The following ATXN8OS variants were observed in gnomAD, a reference collection of about 807,000 sequenced individuals.
The protein encoded by ATXN8OS is ATXN8 opposite strand lncRNA.
chr13:70,133,204 G>A (rs112130287), intron 3 of ATXN8OS, among the ~76,000 whole-genome samples: 8 of 152,286 alleles, frequency 5.3e-5, no homozygotes, highest in Non-Finnish European at 8.8e-5. Flanking sequence ...CCAGGATTTC[G>A]AGAGCAGCCT....
At chr13:70,150,753 C>T (rs938735460) in intron 4 of ATXN8OS, among the ~76,000 whole-genome samples, 2 of 152,072 alleles carry the variant, frequency 1.3e-5, no homozygotes, top group Non-Finnish European at 2.9e-5. Context: ...GAGTATATTT[C>T]TACTACAGGA....
At position 70,140,783 on chromosome 13, in the gene ATXN8OS, T is replaced by C. The variant is rs372277401; in HGVS notation, n.500-6572T>C. ...ATGCCCCCTAACCCTGTTTTAGTAA[T>C]CTCAAATTCAAATTATTTGAAAGAA... On this transcript the variant is annotated intron_variant and non_coding_transcript_variant, in intron 3 of 4. Coordinates refer to ENST00000678624, the Ensembl canonical transcript of ATXN8OS. Among the ~76,000 whole-genome samples the C allele has an allele frequency of 1.6e-4, 25 of 152,068 alleles. No individual in the cohort carries two copies. In the East Asian group the frequency reaches 3.9e-3, roughly 24 times the overall value.
At chr13:70,131,926 T>A (rs1888540002) in intron 3 of ATXN8OS, among the ~76,000 whole-genome samples, 1 of 152,152 alleles carries the variant, frequency 6.6e-6, no homozygotes, top group African/African-American at 2.4e-5. Flanking sequence ...TATAAATGAA[T>A]AAAGATATGA....
intron 2 of ATXN8OS, among the ~76,000 whole-genome samples, chr13:70,122,947 T>C (rs1268603587): frequency 6.6e-6 from 1 of 152,024 alleles, no homozygotes; most frequent in African/African-American, 2.4e-5. Flanking sequence ...CCAAATTCTC[T>C]TAGAGACTTT....
At chr13:70,145,459 G>A (rs302008) in intron 3 of ATXN8OS, among the ~76,000 whole-genome samples, 7,707 of 151,546 alleles carry the variant, frequency 0.051, 683 homozygotes, top group African/African-American at 0.18. Context: ...CCATTTTCAC[G>A]ATATTGATTC....
intron 3 of ATXN8OS, among the ~76,000 whole-genome samples, chr13:70,137,488 G>A (rs902839387): frequency 2.0e-5 from 3 of 152,150 alleles, no homozygotes; most frequent in Non-Finnish European, 2.9e-5. Flanking sequence ...GAGCTAAATG[G>A]ACTTCGTTAT....
intron 2 of ATXN8OS, among the ~76,000 whole-genome samples, chr13:70,123,069 A>G (rs1888384261): frequency 6.6e-6 from 1 of 152,100 alleles, no homozygotes; most frequent in Non-Finnish European, 1.5e-5. Context: ...CTGAGCAAAT[A>G]TTAATCTAGG....
At chr13:70,144,505 C>A (rs1833664230) in intron 3 of ATXN8OS, among the ~76,000 whole-genome samples, 1 of 152,076 alleles carries the variant, frequency 6.6e-6, no homozygotes, top group African/African-American at 2.4e-5. Flanking sequence ...ATGTAATATT[C>A]CACTGAATTC....
chr13:70,128,752 T>C (rs1453412892), intron 2 of ATXN8OS, among the ~76,000 whole-genome samples: 2 of 152,134 alleles, frequency 1.3e-5, no homozygotes, highest in Admixed American at 1.3e-4. Context: ...CGCAGTGTCC[T>C]GAAGCCCTCA....
chr13:70,108,699 A>C lies in ATXN8OS; in HGVS notation n.240+680A>C, dbSNP rs183784415. Reference sequence around the variant, plus strand: ...ACAGGCATTATGCTTTTGCATCAGTAAACACCACACATGAATCATGGCAGT... The same window carrying C: ...ACAGGCATTATGCTTTTGCATCAGTCAACACCACACATGAATCATGGCAGT... On this transcript the variant is annotated intron_variant and non_coding_transcript_variant, in intron 1 of 4. Coordinates refer to ENST00000678624, the Ensembl canonical transcript of ATXN8OS. 1.2e-4 allele frequency among the ~76,000 whole-genome samples: 19 copies of C among 152,376 alleles called. No individual in the cohort carries two copies. The East Asian group carries it at 2.7e-3, about 22-fold the overall frequency.
chr13:70,143,720 A>G (rs1469309199), intron 3 of ATXN8OS, among the ~76,000 whole-genome samples: 1 of 152,120 alleles, frequency 6.6e-6, no homozygotes, highest in East Asian at 1.9e-4. Context: ...TAATACATAT[A>G]CTACTGGAAC....
At chr13:70,136,540 A>G (rs183206091) in intron 3 of ATXN8OS, among the ~76,000 whole-genome samples, 1 of 152,148 alleles carries the variant, frequency 6.6e-6, no homozygotes, top group Non-Finnish European at 1.5e-5. Flanking sequence ...TGCCCAAGCT[A>G]AATCTTACAG....
At chr13:70,107,979 G>A in exon 1 of ATXN8OS, 1 of 444,254 alleles carries the variant, frequency 2.3e-6, no homozygotes, top group South Asian at 6.6e-5. Flanking sequence ...CAAAAGCTGA[G>A]AATCCTCGAT....
In ATXN8OS at chr13:70,139,326, G is replaced by T. The variant is rs1888662604; in HGVS notation, n.500-8029G>T. 10 of 618,302 alleles carry T rather than the reference G, an allele frequency of 1.6e-5. No individual in the cohort carries two copies. The South Asian group carries it at 2.1e-4, about 13-fold the overall frequency. 38.3% of individuals were successfully genotyped at this position (618,302 alleles called of 1,614,324 possible). A position where few individuals can be genotyped will look rare whatever the true frequency, so the allele number is the denominator to read the frequency against. ...TCCCAATTCCTTGGCTAGACCCTGGGTCCTTCATGTTAGAAAACCTGGCTT... is the reference window on the plus strand; with the variant it reads ...TCCCAATTCCTTGGCTAGACCCTGGTTCCTTCATGTTAGAAAACCTGGCTT... On this transcript the variant is annotated intron_variant and non_coding_transcript_variant, in intron 3 of 4. Coordinates refer to ENST00000678624, the Ensembl canonical transcript of ATXN8OS.
At chr13:70,122,810 A>G (rs1888380455) in intron 2 of ATXN8OS, among the ~76,000 whole-genome samples, 1 of 152,014 alleles carries the variant, frequency 6.6e-6, no homozygotes, top group Non-Finnish European at 1.5e-5. Context: ...TGGTTAAATG[A>G]GAGGAATATT....
At chr13:70,107,535 G>T (rs1888100743), upstream of ATXN8OS, 2 of 1,610,516 alleles carry the variant, frequency 1.2e-6, no homozygotes, top group Non-Finnish European at 1.7e-6. Context: ...TTTTGAGCAG[G>T]CGACTCTGGC....
chr13:70,143,275 C>T (rs1176722090), intron 3 of ATXN8OS, among the ~76,000 whole-genome samples: 2 of 152,030 alleles, frequency 1.3e-5, no homozygotes, highest in African/African-American at 4.8e-5. Flanking sequence ...AAGTGAATTT[C>T]CCTCTCCTTT....
Position 70,158,213 on chromosome 13 carries a change from T to C in ATXN8OS, n.573+10785T>C, listed in dbSNP as rs1888961055. Among the ~76,000 whole-genome samples, 3 of 151,202 alleles carry C rather than the reference T, an allele frequency of 2.0e-5. No individual in the cohort carries two copies. The South Asian group carries it at 6.3e-4, about 32-fold the overall frequency. On this transcript the variant is annotated intron_variant and non_coding_transcript_variant, in intron 4 of 4. Transcript: ENST00000678624. ...GGCAGGCAGATCACGAGGTCAGGAG[T>C]TTGAGACCAGCCTGGCCAATATGGT...
chr13:70,142,209 G>T (rs931434408), intron 3 of ATXN8OS, among the ~76,000 whole-genome samples: 8 of 152,194 alleles, frequency 5.3e-5, no homozygotes, highest in African/African-American at 1.7e-4. Flanking sequence ...ACAGAATATG[G>T]GTATTTGTGT....
Sources: allele counts gnomAD v4.1 joint callset (sites outside exome capture counted in the v4.1 genomes callset), GRCh38; gene constraint gnomAD v4.1.1; transcripts MANE v1.5; gene names NCBI Gene and HGNC (gene_info 2026-07-23, HGNC 2026-07-21).